Variants in RAP1GAP observed in about 807,000 individuals in gnomAD.
RAP1GAP encodes rap1 GTPase-activating protein 1.
Under a neutral mutation model 87.2 loss-of-function variants are expected in RAP1GAP, and 35 were observed. That is an observed-to-expected ratio of 0.40 (90% CI 0.31 to 0.53). RAP1GAP has a LOEUF of 0.53. RAP1GAP is among the 20% of genes least tolerant of loss of function. RAP1GAP has a pLI of 0.48. For missense variants in RAP1GAP, 734 were observed against 898.9 expected, an observed-to-expected ratio of 0.82 and a Z score of 2.35; for synonymous variants, 375 against 363.9, an observed-to-expected ratio of 1.03 and a Z score of -0.35.
At chr1:21,611,302 G>C (rs1174347403) in intron 13 of RAP1GAP, 150 bp downstream of exon 13, 3 of 1,172,654 alleles carry the variant, frequency 2.6e-6, no homozygotes, top group Admixed American at 2.6e-5. Context: ...TGTCTCCCCT[G>C]ACCCAACGAG....
At chr1:21,625,167 T>C (rs1206913320) in intron 3 of RAP1GAP, among the ~76,000 whole-genome samples, 1 of 152,166 alleles carries the variant, frequency 6.6e-6, no homozygotes, top group Non-Finnish European at 1.5e-5. Context: ...GCCCCACATA[T>C]GGACACCATT....
chr1:21,640,540 T>C (rs570404307), intron 2 of RAP1GAP, among the ~76,000 whole-genome samples: 85 of 152,266 alleles, frequency 5.6e-4, no homozygotes, highest in African/African-American at 2.0e-3. Flanking sequence ...AATATGTGTG[T>C]GTGTACATGT....
rs149473870 is a variant in RAP1GAP at position 21,608,239 on chromosome 1, C to T, written c.1270G>A (p.Gly424Ser). Residue 424 changes from glycine (G) to serine (S), a missense_variant, in exon 17 of 25, where the codon GGC becomes AGC. Physicochemically the swap from Gly to Ser is moderately conservative, Grantham distance 56. Around this residue, in one of 2 missense-constraint regions of RAP1GAP, gnomAD observed 485 missense variants for 646.2 expected, o/e 0.75. Transcript: ENST00000374765. ...DEDKMENGSG[G>S]GGFFESFKRV... is the part of the protein sequence containing the mutation. Reference sequence around the variant, plus strand: ...TTGAAAGACTCAAAGAAGCCGCCGCCCCCACTGCCATTCTCCATCTTGTCC... The same window carrying T: ...TTGAAAGACTCAAAGAAGCCGCCGCTCCCACTGCCATTCTCCATCTTGTCC... 8.7e-6 allele frequency: 14 copies of T among 1,613,978 alleles called. No homozygotes were observed. The highest frequency in any genetic ancestry group is 1.2e-5 in the Non-Finnish European group (14 of 1,179,970).
Position 21,603,531 on chromosome 1 carries a change from T to A in RAP1GAP, c.1429-618A>T, listed in dbSNP as rs1558620294. The A allele has an allele frequency of 1.7e-6, 1 of 603,680 alleles. No homozygotes were observed. The allele number at this position is 603,680 out of a possible 1,614,324, so 37.4% of individuals were successfully genotyped here. ...TGGCGCTCCATGCAGACCGGCGATA[T>A]TGGGGGACGTGCGGCTGGGTGTAGG... On this transcript the variant is annotated intron_variant, in intron 18 of 24. Transcript: ENST00000374765. This position sits in a 1 kb window ranked among gnomAD's most constrained non-coding sequence, Gnocchi z 6.0.
chr1:21,636,857 G>A (rs1399047100), intron 2 of RAP1GAP, among the ~76,000 whole-genome samples: 3 of 147,500 alleles, frequency 2.0e-5, no homozygotes, highest in Non-Finnish European at 4.5e-5. Context: ...AGAAGGAGGA[G>A]GAGGAGGAGG....
chr1:21,644,726 C>A (rs1294687222), intron 2 of RAP1GAP, among the ~76,000 whole-genome samples: 1 of 151,826 alleles, frequency 6.6e-6, no homozygotes, highest in East Asian at 1.9e-4. Context: ...GGTGAAACCC[C>A]ATCTCTACTA....
intron 20 of RAP1GAP, among the ~76,000 whole-genome samples, 154 bp from the exon 21 acceptor site, chr1:21,599,771 C>A (rs1259286524): frequency 6.6e-6 from 1 of 152,166 alleles, no homozygotes; most frequent in Non-Finnish European, 1.5e-5. Flanking sequence ...TCTGAGCCCC[C>A]CAGACTCCCC....
chr1:21,632,552 G>C (rs1473291287), intron 2 of RAP1GAP, among the ~76,000 whole-genome samples: 1 of 152,098 alleles, frequency 6.6e-6, no homozygotes, highest in Non-Finnish European at 1.5e-5. Context: ...AAGAACACAG[G>C]CCTTCCACCA....
At chr1:21,651,284 T>C (rs1477277204) in intron 1 of RAP1GAP, 1 of 397,940 alleles carries the variant, frequency 2.5e-6, no homozygotes, top group Non-Finnish European at 5.1e-6. Context: ...TAAGGGCTTC[T>C]AGAGTCCCTT....
chr1:21,667,410 A>G (rs1306759211), intron 1 of RAP1GAP, among the ~76,000 whole-genome samples: 1 of 152,214 alleles, frequency 6.6e-6, no homozygotes, highest in Non-Finnish European at 1.5e-5. Flanking sequence ...CCTGCCAGGC[A>G]GGCACCTTGG....
chr1:21,638,157 A>G (rs1452674719), intron 2 of RAP1GAP, among the ~76,000 whole-genome samples: 1 of 148,594 alleles, frequency 6.7e-6, no homozygotes, highest in Non-Finnish European at 1.5e-5. Context: ...TTAAAAAAAA[A>G]AAAAAGAAAA....
intron 10 of RAP1GAP, 83 bp from the exon 11 acceptor site, chr1:21,612,192 C>G (rs1258714603): frequency 9.3e-7 from 1 of 1,078,222 alleles, no homozygotes; most frequent in Non-Finnish European, 1.4e-6. Context: ...AGCACTGAGC[C>G]AGGCGCTCTA....
In RAP1GAP at chr1:21,669,011, G is replaced by A. The variant is rs1390595479; in HGVS notation, c.-149+243C>T. 6.6e-6 allele frequency among the ~76,000 whole-genome samples: 1 copy of A among 151,822 alleles called. No individual in the cohort carries two copies. The highest frequency in any genetic ancestry group is 1.5e-5 in the Non-Finnish European group (1 of 67,828). Reference sequence around the variant, plus strand: ...GCCGCGGCCTGGACCAAGTCCAACAGGCTGGGGGTTCAGCCGGCTCAGTCC... The same window carrying A: ...GCCGCGGCCTGGACCAAGTCCAACAAGCTGGGGGTTCAGCCGGCTCAGTCC... On this transcript the variant is annotated intron_variant, in intron 1 of 24. Coordinates refer to ENST00000374765, the MANE Select transcript of RAP1GAP (RefSeq NM_002885.4). The surrounding 1 kb of genome is among the most constrained non-coding windows in gnomAD (Gnocchi z 5.6).
chr1:21,664,942 C>T (rs2097290383), intron 1 of RAP1GAP, among the ~76,000 whole-genome samples: 1 of 152,136 alleles, frequency 6.6e-6, no homozygotes, highest in South Asian at 2.1e-4. Context: ...AATAAAAGCT[C>T]GTCATCCCCG....
chr1:21,631,761 CTG>C (rs2093787494), intron 2 of RAP1GAP, among the ~76,000 whole-genome samples: 1 of 152,152 alleles, frequency 6.6e-6, no homozygotes, highest in African/African-American at 2.4e-5. Flanking sequence ...GATGAGAAAA[CTG>C]AGGCTCAGAG....
chr1:21,608,832 C>G lies in RAP1GAP; in HGVS notation c.1158+18G>C. On this transcript the variant is annotated intron_variant, in intron 16 of 24. Coordinates refer to ENST00000374765, the MANE Select transcript of RAP1GAP (RefSeq NM_002885.4). ...AAGGTGAGAAGAGGGTCACCCAGCCCTCACAGCCCATCCTCACCTCCAGTT... is the reference window on the plus strand; with the variant it reads ...AAGGTGAGAAGAGGGTCACCCAGCCGTCACAGCCCATCCTCACCTCCAGTT... The G allele has an allele frequency of 6.2e-7, 1 of 1,607,218 alleles. No homozygotes were observed. Among genetic ancestry groups the G allele is most frequent in the Non-Finnish European group, 8.5e-7 (1 of 1,173,684 alleles).
intron 1 of RAP1GAP, chr1:21,651,767 GCCACGCCC>G (rs1558885394): frequency 7.0e-7 from 1 of 1,437,276 alleles, no homozygotes; most frequent in Non-Finnish European, 9.1e-7. Flanking sequence ...CCCGCGCCGC[GCCACGCCC>G]TACCCGCCGT....
intron 18 of RAP1GAP, among the ~76,000 whole-genome samples, chr1:21,604,700 G>A (rs2072507044): frequency 6.6e-6 from 1 of 151,986 alleles, no homozygotes; most frequent in African/African-American, 2.4e-5. Context: ...AGAGGTCGGG[G>A]AATTCCCTCC....
At chr1:21,654,231 C>T (rs2096769692) in intron 1 of RAP1GAP, among the ~76,000 whole-genome samples, 1 of 152,188 alleles carries the variant, frequency 6.6e-6, no homozygotes, top group Admixed American at 6.5e-5. Flanking sequence ...AGACCACTTC[C>T]AAGAATTTAT....
Sources: allele counts gnomAD v4.1 joint callset (sites outside exome capture counted in the v4.1 genomes callset), GRCh38; gene constraint gnomAD v4.1.1; regional missense constraint gnomAD v4.1.1; non-coding constraint Gnocchi (gnomAD v3.1); transcripts MANE v1.5; gene names NCBI Gene and HGNC (gene_info 2026-07-23, HGNC 2026-07-21).